Variants in TRPM6 observed in about 807,000 individuals in gnomAD.
TRPM6 encodes the protein transient receptor potential cation channel subfamily M member 6, also known as channel kinase 2.
TRPM6 carries 111 observed loss-of-function variants against 247.6 expected under a neutral mutation model. The ratio of observed to expected loss-of-function variants is 0.45; its 90% CI spans 0.38 to 0.52. The LOEUF (loss-of-function observed/expected upper bound fraction) is 0.52. Among genes scored for constraint, TRPM6 ranks in the 20% least tolerant of loss-of-function variants. TRPM6 has a pLI of 0.00. For synonymous variants in TRPM6, 892 were observed against 853.8 expected, an observed-to-expected ratio of 1.04 and a Z score of -0.78; for missense variants, 2,126 against 2,421.5, an observed-to-expected ratio of 0.88 and a Z score of 2.56.
intron 38 of TRPM6, among the ~76,000 whole-genome samples, chr9:74,727,705 T>C (rs184561527): frequency 2.0e-4 from 30 of 152,218 alleles, no homozygotes; most frequent in Admixed American, 1.7e-3. Context: ...GTAGGAATTT[T>C]TAAGTATGTC....
chr9:74,724,386 G>A lies in TRPM6; in HGVS notation c.*227C>T, dbSNP rs548027451. On this transcript the variant is annotated 3_prime_UTR_variant, in exon 39 of 39. Transcript: ENST00000360774. Reference sequence around the variant, plus strand: ...CCAGCTGACTCATCCAAGCATCTTCGTGTGGAACTTGAGGATGGAGCTGCA... The same window carrying A: ...CCAGCTGACTCATCCAAGCATCTTCATGTGGAACTTGAGGATGGAGCTGCA... 4.1e-5 allele frequency: 24 copies of A among 588,264 alleles called. No homozygotes were observed. The highest frequency in any genetic ancestry group is 8.8e-5 in the Admixed American group (3 of 34,192). The allele number at this position is 588,264 out of a possible 1,614,324, so 36.4% of individuals were successfully genotyped here.
chr9:74,843,688 G>A (rs950124800), intron 3 of TRPM6, among the ~76,000 whole-genome samples: 10 of 151,680 alleles, frequency 6.6e-5, no homozygotes, highest in East Asian at 5.8e-4. Flanking sequence ...GGTGGCAGGC[G>A]CCTGTAATCC....
chr9:74,737,204 T>C (rs1406354124), intron 36 of TRPM6, among the ~76,000 whole-genome samples: 3 of 143,788 alleles, frequency 2.1e-5, no homozygotes, highest in Admixed American at 7.0e-5. Flanking sequence ...TGAATTGAAT[T>C]AAATATAATT....
chr9:74,874,327 T>G (rs1342580663), intron 1 of TRPM6, among the ~76,000 whole-genome samples: 1 of 151,958 alleles, frequency 6.6e-6, no homozygotes, highest in Non-Finnish European at 1.5e-5. Context: ...ATCTTATGAG[T>G]TAACAGAGGT....
intron 1 of TRPM6, chr9:74,887,100 C>A (rs1831555050): frequency 5.9e-6 from 3 of 504,258 alleles, no homozygotes; most frequent in Non-Finnish European, 9.6e-6. Context: ...CCCTCCCTCT[C>A]CAAGCCCCCA....
intron 3 of TRPM6, among the ~76,000 whole-genome samples, chr9:74,844,956 A>T (rs1232912104): frequency 1.3e-5 from 2 of 152,184 alleles, no homozygotes; most frequent in East Asian, 3.9e-4. Context: ...TGGCATCTCA[A>T]GGTAGAGGGA....
intron 1 of TRPM6, among the ~76,000 whole-genome samples, chr9:74,873,450 G>T (rs1587604430): frequency 1.3e-5 from 2 of 152,174 alleles, no homozygotes; most frequent in African/African-American, 4.8e-5. Flanking sequence ...TTCCTGGGCA[G>T]CACATATACT....
intron 2 of TRPM6, among the ~76,000 whole-genome samples, 194 bp downstream of exon 2, chr9:74,858,475 G>C (rs1830595635): frequency 6.6e-6 from 1 of 152,228 alleles, no homozygotes; most frequent in Admixed American, 6.5e-5. Context: ...GGTAAAAATG[G>C]ACAAGGTCCC....
intron 1 of TRPM6, among the ~76,000 whole-genome samples, chr9:74,880,547 G>A (rs1024072671): frequency 1.1e-4 from 17 of 149,952 alleles, no homozygotes; most frequent in South Asian, 8.5e-4. Flanking sequence ...TCAAAATACC[G>A]AAAAAAAAAG....
intron 23 of TRPM6, among the ~76,000 whole-genome samples, chr9:74,779,445 G>A (rs879904953): frequency 2.6e-5 from 4 of 152,178 alleles, no homozygotes; most frequent in Non-Finnish European, 5.9e-5. Context: ...CCATGTTTAG[G>A]TAACAACACA....
intron 27 of TRPM6, 81 bp from the exon 28 acceptor site, chr9:74,755,554 G>A: frequency 6.4e-7 from 1 of 1,558,846 alleles, no homozygotes; most frequent in Non-Finnish European, 8.8e-7. Flanking sequence ...GCACCATGGT[G>A]AAGGGCAGTG....
At position 74,723,417 on chromosome 9, in the gene TRPM6, A is replaced by G. The variant is rs1825203099; in HGVS notation, c.*1196T>C. On this transcript the variant is annotated 3_prime_UTR_variant, in exon 39 of 39. Transcript: ENST00000360774. Reference sequence around the variant, plus strand: ...TGGTGTTTTACAGGTTGAGTTAGTCAACTCCTAACTAATAGTACCCCTGAG... The same window carrying G: ...TGGTGTTTTACAGGTTGAGTTAGTCGACTCCTAACTAATAGTACCCCTGAG... 6.6e-6 allele frequency: 1 copy of G among 151,698 alleles called. No individual in the cohort carries two copies. The highest frequency in any genetic ancestry group is 6.6e-5 in the Admixed American group (1 of 15,188). 9.4% of individuals were successfully genotyped at this position (151,698 alleles called of 1,614,324 possible).
rs1060499646 is a variant in TRPM6 at position 74,792,667 on chromosome 9, T to C, written c.2495A>G (p.Tyr832Cys). 2.5e-6 allele frequency: 4 copies of C among 1,614,126 alleles called. No homozygotes were observed. The highest frequency in any genetic ancestry group is 3.4e-6 in the Non-Finnish European group (4 of 1,180,000). ...GACAATTGGAGCACTGTAGAACTCATAGACTTTCCTGGTCCACGGAAGGTG... is the reference window on the plus strand; with the variant it reads ...GACAATTGGAGCACTGTAGAACTCACAGACTTTCCTGGTCCACGGAAGGTG... ...HQHLPWTRKV[Y>C]EFYSAPIVKF... Residue 832 changes from tyrosine to cysteine, a missense_variant, in exon 19 of 39, where the codon TAT becomes TGT. Around this residue, in one of 3 missense-constraint regions of TRPM6, gnomAD observed 1,082 missense variants for 1,307.9 expected, o/e 0.83. Coordinates refer to ENST00000360774, the MANE Select transcript of TRPM6 (RefSeq NM_017662.5).
intron 2 of TRPM6, among the ~76,000 whole-genome samples, chr9:74,855,878 T>G (rs1168804681): frequency 1.3e-5 from 2 of 152,160 alleles, no homozygotes; most frequent in Non-Finnish European, 2.9e-5. Flanking sequence ...TTAAAATAAT[T>G]ATCAGAGATA....
chr9:74,739,896 G>C lies in TRPM6; in HGVS notation c.5314C>G (p.Arg1772Gly). The C allele has an allele frequency of 1.9e-6, 3 of 1,613,974 alleles. No homozygotes were observed. The highest frequency in any genetic ancestry group is 2.7e-5 in the African/African-American group (2 of 74,972). The change falls in exon 34 of 39, where the codon CGA (arginine) becomes GGA (glycine). Residue 1772 changes from arginine (R) to glycine (G), a missense_variant. Around this residue, in one of 3 missense-constraint regions of TRPM6, gnomAD observed 327 missense variants for 397.7 expected, o/e 0.82. Coordinates refer to ENST00000360774, the MANE Select transcript of TRPM6 (RefSeq NM_017662.5). ...GRAAMIQVLS[R>G]EEMDGGLRKA... ...CGGAGGCCCCCATCCATCTCCTCTC[G>C]GGACAATACCTGGATCATTGCCGCT...
chr9:74,863,798 G>T (rs570954975), intron 1 of TRPM6, among the ~76,000 whole-genome samples: 1 of 151,864 alleles, frequency 6.6e-6, no homozygotes, highest in South Asian at 2.1e-4. Flanking sequence ...GTGTTAGCCA[G>T]GGTGGTCTCG....
Position 74,762,008 on chromosome 9 carries a change from T to A in TRPM6, c.4663A>T (p.Lys1555Ter). The A allele has an allele frequency of 6.2e-7, 1 of 1,614,014 alleles. No homozygotes were observed. The highest frequency in any genetic ancestry group is 8.5e-7 in the Non-Finnish European group (1 of 1,179,894). The change falls in exon 26 of 39, where the codon AAG (lysine) becomes TAG (stop). Residue 1555 changes from lysine (K) to a stop codon, truncating the protein, a stop_gained. Transcript: ENST00000360774. LOFTEE classifies it high-confidence loss of function. ...HKEEKLMKIC[K>*]IKNLSGSSEI... ...AATGTTTATTCCTTACTTTTAATCT[T>A]ACAGATCTTCATCAATTTCTCCTCC...
intron 2 of TRPM6, 86 bp from the exon 3 acceptor site, chr9:74,855,651 T>C: frequency 1.1e-6 from 1 of 912,480 alleles, no homozygotes; most frequent in Non-Finnish European, 1.8e-6. Context: ...TCTATTATTT[T>C]CCATGATCTA....
At chr9:74,867,975 A>G (rs1830905164) in intron 1 of TRPM6, among the ~76,000 whole-genome samples, 3 of 151,854 alleles carry the variant, frequency 2.0e-5, no homozygotes, top group Admixed American at 2.0e-4. Flanking sequence ...CAACATGGCG[A>G]AACCCCAACT....
Sources: gnomAD v4.1 joint callset for allele counts (sites outside exome capture counted in the v4.1 genomes callset) on GRCh38, gnomAD v4.1.1 for gene constraint, gnomAD v4.1.1 regional missense constraint, MANE v1.5 for transcripts, NCBI Gene and HGNC (gene_info 2026-07-23, HGNC 2026-07-21) for gene names.